Variants in CFAP91 observed in about 807,000 individuals in gnomAD.
CFAP91 encodes the protein cilia- and flagella-associated protein 91.
Under a neutral mutation model 95.9 loss-of-function variants are expected in CFAP91, and 85 were observed. The observed-to-expected ratio is 0.89, with a 90% CI of 0.74 to 1.06. The LOEUF is 1.06. Among genes scored for constraint, CFAP91 ranks in the 50% least tolerant of loss-of-function variants. The pLI is 0.00. For synonymous variants in CFAP91, 335 were observed against 327.5 expected, an observed-to-expected ratio of 1.02 and a Z score of -0.25; for missense variants, 962 against 943.4, an observed-to-expected ratio of 1.02 and a Z score of -0.26.
At position 119,730,282 on chromosome 3, in the gene CFAP91, A is replaced by G. The variant is rs1233504651; in HGVS notation, c.923A>G (p.Asn308Ser). 1 of 1,614,188 alleles carries G rather than the reference A, an allele frequency of 6.2e-7. No homozygotes were observed. The highest frequency in any genetic ancestry group is 1.7e-5 in the Admixed American group (1 of 60,022). ...TTGAGGAAGCGTGAAGAGAATCAGA[A>G]TGAAGTGAATATGAAGCACTTGAAT... ...ELLRKREENQ[N>S]EVNMKHLNAR... Residue 308 changes from asparagine to serine, a missense_variant, in exon 8 of 18, where the codon AAT (asparagine) becomes AGT (serine). Physicochemically the swap from Asn to Ser is conservative, Grantham distance 46 (BLOSUM62 1). Transcript: ENST00000273390.
rs1346279557 is a variant in CFAP91, at chr3:119,765,191, C to T, written c.*141C>T. On this transcript the variant is annotated 3_prime_UTR_variant, in exon 18 of 18. Transcript: ENST00000273390. Reference sequence around the variant, plus strand: ...AAGGAGATTTATTTTCCTTAAACATCCAATAATTTAAAATGATTTTCAATA... The same window carrying T: ...AAGGAGATTTATTTTCCTTAAACATTCAATAATTTAAAATGATTTTCAATA... 3.9e-5 allele frequency: 6 copies of T among 152,100 alleles called. No individual in the cohort carries two copies. The highest frequency in any genetic ancestry group is 5.9e-5 in the Non-Finnish European group (4 of 68,014). The allele number at this position is 152,100 out of a possible 1,614,324, so 9.4% of individuals were successfully genotyped here.
intron 17 of CFAP91, among the ~76,000 whole-genome samples, chr3:119,759,439 T>C (rs2054493316): frequency 6.6e-6 from 1 of 152,106 alleles, no homozygotes; most frequent in African/African-American, 2.4e-5. Flanking sequence ...CTGTGTGATA[T>C]TTACACAGAT....
intron 13 of CFAP91, among the ~76,000 whole-genome samples, chr3:119,743,065 T>G (rs2054150237): frequency 1.3e-5 from 2 of 152,008 alleles, no homozygotes; most frequent in Non-Finnish European, 2.9e-5. Flanking sequence ...AGCTGACTTC[T>G]GGCAGAGAGC....
chr3:119,755,437 G>A (rs1013610726), intron 17 of CFAP91, among the ~76,000 whole-genome samples: 3 of 152,098 alleles, frequency 2.0e-5, no homozygotes, highest in African/African-American at 7.2e-5. Context: ...TTGCTTTTAT[G>A]AGAAGAGACA....
At chr3:119,764,439 G>A (rs1026591960) in intron 17 of CFAP91, among the ~76,000 whole-genome samples, 4 of 152,030 alleles carry the variant, frequency 2.6e-5, no homozygotes, top group Non-Finnish European at 4.4e-5. Context: ...ATTGAAAAAC[G>A]GGTAAGCAGC....
intron 6 of CFAP91, among the ~76,000 whole-genome samples, chr3:119,725,365 G>A (rs2053762652): frequency 6.6e-6 from 1 of 152,204 alleles, no homozygotes; most frequent in African/African-American, 2.4e-5. Context: ...AAAGTTGCAG[G>A]TAAGAGATAG....
intron 2 of CFAP91, 135 bp from the exon 3 acceptor site, chr3:119,707,269 A>T (rs924533079): frequency 1.6e-6 from 1 of 644,322 alleles, no homozygotes. Flanking sequence ...TATTTTACGC[A>T]TACAGCAATA....
At chr3:119,706,708 A>C in intron 1 of CFAP91, 101 bp from the exon 2 acceptor site, 1 of 896,596 alleles carries the variant, frequency 1.1e-6, no homozygotes, top group Non-Finnish European at 1.8e-6. Context: ...TAAACTTTTA[A>C]ATTTGTTTTC....
At chr3:119,740,835 T>TGTGTGTGTGTGTGTGTG in intron 13 of CFAP91, 140 bp downstream of exon 13, 1 of 514,112 alleles carries the variant, frequency 1.9e-6, no homozygotes, top group East Asian at 4.6e-5. Flanking sequence ...CTGTCAGCAT[T>TGTGTGTGTGTGTGTGTG]TGTGTGTGTG....
intron 5 of CFAP91, among the ~76,000 whole-genome samples, chr3:119,715,008 A>G (rs535420211): frequency 6.6e-6 from 1 of 152,330 alleles, no homozygotes; most frequent in African/African-American, 2.4e-5. Flanking sequence ...ACTTTCCCAC[A>G]TGTTAATAAC....
intron 8 of CFAP91, 65 bp from the exon 9 acceptor site, chr3:119,732,229 C>G: frequency 7.8e-7 from 1 of 1,284,620 alleles, no homozygotes; most frequent in Non-Finnish European, 1.1e-6. Context: ...CATTGGCTTA[C>G]TCTTCTGCAT....
At chr3:119,738,241 G>A (rs1421389091) in intron 11 of CFAP91, among the ~76,000 whole-genome samples, 6 of 150,778 alleles carry the variant, frequency 4.0e-5, no homozygotes. Context: ...CCTGCAGAGG[G>A]ACCAGAAAGC....
chr3:119,728,013 A>AATG lies in CFAP91; in HGVS notation c.860+1689_860+1691dup, dbSNP rs373100019. Among the ~76,000 whole-genome samples the AATG allele has an allele frequency of 4.3e-3, 653 of 150,594 alleles. 6 individuals are homozygous for AATG. Among genetic ancestry groups the AATG allele is most frequent in the African/African-American group, 0.013 (552 of 40,972 alleles). ...TCAATAATATCAGATTGATGATGAT[A>AATG]ATGATGATGATGATGATGATGATGA... On this transcript the variant is annotated intron_variant, in intron 7 of 17. Coordinates refer to ENST00000273390, the MANE Select transcript of CFAP91 (RefSeq NM_033364.4).
intron 11 of CFAP91, 79 bp from the exon 12 acceptor site, chr3:119,739,176 A>C: frequency 8.0e-7 from 1 of 1,243,004 alleles, no homozygotes; most frequent in Non-Finnish European, 1.2e-6. Context: ...GTTTTGCTTG[A>C]AATAAGTCTT....
chr3:119,706,967 T>G, intron 2 of CFAP91, 82 bp downstream of exon 2: 2 of 1,058,006 alleles, frequency 1.9e-6, no homozygotes, highest in Non-Finnish European at 2.9e-6. Context: ...GATTGACTAA[T>G]CACCAAATCT....
At chr3:119,720,775 A>G (rs1486848062) in intron 6 of CFAP91, among the ~76,000 whole-genome samples, 1 of 152,318 alleles carries the variant, frequency 6.6e-6, no homozygotes, top group Middle Eastern at 3.4e-3. Context: ...AGATTTTTGG[A>G]TGCGCAAGTC....
At position 119,754,626 on chromosome 3, in the gene CFAP91, A is replaced by G. The variant is rs374752367; in HGVS notation, c.*1+3528A>G. ...AACTATTCAGCTGCAAACATGCACT[A>G]TTCTTCAAGAAGAAGGAAAAATGAT... On this transcript the variant is annotated intron_variant, in intron 17 of 17. Transcript: ENST00000273390. 2.6e-5 allele frequency among the ~76,000 whole-genome samples: 4 copies of G among 152,338 alleles called. No homozygotes were observed. The East Asian group carries it at 5.8e-4, about 22-fold the overall frequency.
chr3:119,750,869 CTT>C, intron 16 of CFAP91, 66 bp from the exon 17 acceptor site: 2 of 1,575,820 alleles, frequency 1.3e-6, no homozygotes, highest in Non-Finnish European at 8.7e-7. Context: ...TCATGACTCT[CTT>C]GAAACATTTG....
At chr3:119,711,100 C>T (rs926036151) in intron 5 of CFAP91, among the ~76,000 whole-genome samples, 2 of 152,048 alleles carry the variant, frequency 1.3e-5, no homozygotes, top group African/African-American at 4.8e-5. Flanking sequence ...TATAGTTATT[C>T]CTAATAATAT....
Sources: gnomAD v4.1 joint callset for allele counts (sites outside exome capture counted in the v4.1 genomes callset) on GRCh38, gnomAD v4.1.1 for gene constraint, MANE v1.5 for transcripts, NCBI Gene and HGNC (gene_info 2026-07-23, HGNC 2026-07-21) for gene names.